The following MMRN1 variants were observed in gnomAD, a reference collection of about 807,000 sequenced individuals.
MMRN1 encodes the protein multimerin 1.
A neutral mutation model predicts 100.7 loss-of-function variants in MMRN1; 94 were observed. The ratio of observed to expected loss-of-function variants is 0.93; its 90% confidence interval spans 0.79 to 1.11. The LOEUF is 1.11. Among genes scored for constraint, MMRN1 ranks in the 50% least tolerant of loss-of-function variants. MMRN1 has a pLI of 0.00. For synonymous variants in MMRN1, 575 were observed against 505.0 expected, an observed-to-expected ratio of 1.14 and a Z score of -1.86; for missense variants, 1,606 against 1,439.1, an observed-to-expected ratio of 1.12 and a Z score of -1.88.
chr4:89,902,237 T>A (rs1325217644), intron 1 of MMRN1: 1 of 151,296 alleles, frequency 6.6e-6, no homozygotes, highest in African/African-American at 2.4e-5. Flanking sequence ...GATGACAAGT[T>A]AGTGGGTGCA....
intron 1 of MMRN1, among the ~76,000 whole-genome samples, chr4:89,909,064 C>A (rs1721657255): frequency 6.6e-6 from 1 of 151,290 alleles, no homozygotes; most frequent in East Asian, 1.9e-4. Context: ...TTATTTTGAT[C>A]TTGTTAGTGT....
chr4:89,896,604 A>G (rs1222835964), intron 1 of MMRN1, among the ~76,000 whole-genome samples: 2 of 152,178 alleles, frequency 1.3e-5, no homozygotes, highest in South Asian at 2.1e-4. Context: ...GACACCAGAC[A>G]TGTCTTGGGA....
At chr4:89,896,053 C>T (rs1295725425) in intron 1 of MMRN1, among the ~76,000 whole-genome samples, 1 of 152,036 alleles carries the variant, frequency 6.6e-6, no homozygotes. Flanking sequence ...ACAAGCACAC[C>T]AGGGGTGCAA....
intron 6 of MMRN1, among the ~76,000 whole-genome samples, chr4:89,938,517 A>AAAT (rs1722722923): frequency 1.4e-5 from 2 of 138,578 alleles, no homozygotes; most frequent in Non-Finnish European, 1.5e-5. Flanking sequence ...ATATATTTAA[A>AAAT]ATATATATAT....
At chr4:89,910,475 A>T (rs1721714599) in intron 2 of MMRN1, among the ~76,000 whole-genome samples, 1 of 151,058 alleles carries the variant, frequency 6.6e-6, no homozygotes, top group Non-Finnish European at 1.5e-5. Flanking sequence ...GAGTGGGTGC[A>T]TTCATTCGCT....
At chr4:89,924,369 A>G (rs1011876863) in intron 4 of MMRN1, among the ~76,000 whole-genome samples, 1 of 152,152 alleles carries the variant, frequency 6.6e-6, no homozygotes, top group South Asian at 2.1e-4. Context: ...CTAAGCTATT[A>G]TACTACTCTT....
Position 89,937,231 on chromosome 4 carries a change from G to A in MMRN1, c.3118+433G>A, listed in dbSNP as rs1016769989. On this transcript the variant is annotated intron_variant, in intron 6 of 7. Coordinates refer to ENST00000264790, the MANE Select transcript of MMRN1 (RefSeq NM_007351.3). ...ATGATCATCTGACAATGAATGTTCA[G>A]GAAATAGATTTGGGTAAATCATAGA... Among the ~76,000 whole-genome samples, 9 of 152,066 alleles carry A rather than the reference G, an allele frequency of 5.9e-5. 1 individual carries two copies. The highest frequency in any genetic ancestry group is 2.2e-4 in the African/African-American group (9 of 41,442).
chr4:89,952,919 A>T, intron 7 of MMRN1, 78 bp from the exon 8 acceptor site: 1 of 1,373,380 alleles, frequency 7.3e-7, no homozygotes, highest in East Asian at 2.4e-5. Flanking sequence ...TAACTGAGAT[A>T]AAAATGACGA....
At chr4:89,905,541 C>T (rs978541735) in intron 1 of MMRN1, among the ~76,000 whole-genome samples, 1 of 151,404 alleles carries the variant, frequency 6.6e-6, no homozygotes, top group Non-Finnish European at 1.5e-5. Flanking sequence ...AAGTCAGAGA[C>T]GCATGGGTGG....
At chr4:89,901,693 A>G (rs2096702420) in intron 1 of MMRN1, among the ~76,000 whole-genome samples, 1 of 152,080 alleles carries the variant, frequency 6.6e-6, no homozygotes, top group Admixed American at 6.6e-5. Flanking sequence ...TGCCAGTGAA[A>G]TAAACACTAC....
chr4:89,933,704 T>TG (rs1378810308), intron 5 of MMRN1, among the ~76,000 whole-genome samples: 1 of 152,050 alleles, frequency 6.6e-6, no homozygotes, highest in Non-Finnish European at 1.5e-5. Flanking sequence ...GAGAACAGCA[T>TG]GGGAAAAAAC....
intron 3 of MMRN1, among the ~76,000 whole-genome samples, 171 bp from the exon 4 acceptor site, chr4:89,922,997 T>A (rs1479300758): frequency 6.6e-6 from 1 of 152,176 alleles, no homozygotes; most frequent in African/African-American, 2.4e-5. Context: ...TCCAATGTGG[T>A]GTTGCATTGC....
intron 1 of MMRN1, among the ~76,000 whole-genome samples, chr4:89,899,853 C>T (rs1721327831): frequency 6.6e-6 from 1 of 151,934 alleles, no homozygotes; most frequent in African/African-American, 2.4e-5. Flanking sequence ...CCGTTATTCA[C>T]CACTAGTGTT....
intron 1 of MMRN1, among the ~76,000 whole-genome samples, chr4:89,906,649 C>A (rs1721573946): frequency 6.6e-6 from 1 of 151,450 alleles, no homozygotes; most frequent in Admixed American, 6.6e-5. Flanking sequence ...GCTTCATTTT[C>A]TATTTTTAAA....
At chr4:89,937,819 C>A (rs1363773717) in intron 6 of MMRN1, among the ~76,000 whole-genome samples, 1 of 152,036 alleles carries the variant, frequency 6.6e-6, no homozygotes, top group Non-Finnish European at 1.5e-5. Flanking sequence ...GTACCATTAA[C>A]AGATGTTCTA....
intron 1 of MMRN1, among the ~76,000 whole-genome samples, chr4:89,886,970 A>G (rs1252856339): frequency 6.6e-6 from 1 of 152,074 alleles, no homozygotes; most frequent in Non-Finnish European, 1.5e-5. Context: ...ATCTAACTGT[A>G]TTTTGTATCC....
upstream of MMRN1, among the ~76,000 whole-genome samples, chr4:89,890,233 CTTT>C (rs111715316): frequency 1.1e-3 from 141 of 133,180 alleles, no homozygotes; most frequent in African/African-American, 3.8e-3. Flanking sequence ...TTTTATTTTG[CTTT>C]TTTTTTTTTT....
intron 1 of MMRN1, among the ~76,000 whole-genome samples, chr4:89,884,997 G>C (rs892972573): frequency 1.3e-5 from 2 of 152,014 alleles, no homozygotes; most frequent in East Asian, 3.8e-4. Context: ...AAAGATGTTA[G>C]CTATAGACTC....
At chr4:89,913,809 T>C (rs1413899510) in intron 3 of MMRN1, among the ~76,000 whole-genome samples, 2 of 151,340 alleles carry the variant, frequency 1.3e-5, no homozygotes, top group Non-Finnish European at 3.0e-5. Context: ...CCACTCATAA[T>C]TCAGGTATCT....
Sources: allele counts gnomAD v4.1 joint callset (sites outside exome capture counted in the v4.1 genomes callset), GRCh38; gene constraint gnomAD v4.1.1; transcripts MANE v1.5; gene names NCBI Gene and HGNC (gene_info 2026-07-23, HGNC 2026-07-21).